SS18L1: variants seen among roughly 807,000 people sequenced by gnomAD.
SS18L1 encodes calcium-responsive transactivator.
A neutral mutation model predicts 70.3 loss-of-function variants in SS18L1; 32 were observed. The ratio of observed to expected loss-of-function variants is 0.46; its 90% CI spans 0.34 to 0.61. The LOEUF (loss-of-function observed/expected upper bound fraction) is 0.61. SS18L1 is among the 20% of genes least tolerant of loss of function. The pLI is 0.01. For missense variants in SS18L1, 430 were observed against 542.1 expected, an observed-to-expected ratio of 0.79 and a Z score of 2.05; for synonymous variants, 237 against 229.7, an observed-to-expected ratio of 1.03 and a Z score of -0.29.
intron 1 of SS18L1, among the ~76,000 whole-genome samples, chr20:62,153,704 C>T (rs373807139): frequency 2.5e-4 from 38 of 152,280 alleles, no homozygotes; most frequent in African/African-American, 7.7e-4. Flanking sequence ...TAGTGTATCT[C>T]CTCCTTTGCT....
rs1266398574 is a variant in SS18L1, at chr20:62,180,375, C to G, written c.*1167C>G. The G allele has an allele frequency of 1.1e-5, 2 of 186,174 alleles. No homozygotes were observed. Among genetic ancestry groups the G allele is most frequent in the African/African-American group, 2.4e-5 (1 of 42,550 alleles). 11.5% of individuals were successfully genotyped at this position (186,174 alleles called of 1,614,324 possible). ...GACAGCACACTTGCAAAAGTATGGT[C>G]AAAGGAAAAAAATCCCACATTTCAA... is the stretch of plus-strand genomic sequence containing the variant. On this transcript the variant is annotated 3_prime_UTR_variant, in exon 11 of 11. Transcript: ENST00000331758.
Position 62,174,550 on chromosome 20 carries a change from G to A in SS18L1, c.1070G>A (p.Gly357Asp). Residue 357 changes from glycine (G) to aspartate (D), a missense_variant, in exon 10 of 11, where the codon GGC becomes GAC. By Grantham distance (94) the Gly-to-Asp change is moderately conservative (BLOSUM62 -1). Transcript: ENST00000331758. The surrounding 1 kb of genome is among the most constrained non-coding windows in gnomAD (Gnocchi z 4.1). Reference sequence around the variant, plus strand: ...CAGGGAGCCCCGTCACAGTACCCCGGCTACCAGCAAGGCCAAGGCCAGCAG... The same window carrying A: ...CAGGGAGCCCCGTCACAGTACCCCGACTACCAGCAAGGCCAAGGCCAGCAG... ...SAQGAPSQYP[G>D]YQQGQGQQYG... 1 of 1,614,056 alleles carries A rather than the reference G, an allele frequency of 6.2e-7. No homozygotes were observed. The highest frequency in any genetic ancestry group is 8.5e-7 in the Non-Finnish European group (1 of 1,180,040).
chr20:62,156,224 A>G (rs760346663), intron 1 of SS18L1, among the ~76,000 whole-genome samples: 1 of 152,156 alleles, frequency 6.6e-6, no homozygotes, highest in Non-Finnish European at 1.5e-5. Context: ...CCTGGAGACA[A>G]TCTCTGCCTG....
chr20:62,150,541 G>A (rs999913078), intron 1 of SS18L1, among the ~76,000 whole-genome samples: 2 of 151,694 alleles, frequency 1.3e-5, no homozygotes, highest in Non-Finnish European at 2.9e-5. Flanking sequence ...GGCAGAAGAC[G>A]GGGAACAATT....
chr20:62,167,042 G>GTTTTTTTT (rs1216570693), intron 8 of SS18L1, among the ~76,000 whole-genome samples: 57 of 88,114 alleles, frequency 6.5e-4, no homozygotes, highest in African/African-American at 1.0e-3. Context: ...GAGTTTGTTT[G>GTTTTTTTT]TTTTTTTTTT....
intron 8 of SS18L1, among the ~76,000 whole-genome samples, 187 bp from the exon 9 acceptor site, chr20:62,172,495 C>T (rs1438464130): frequency 6.7e-6 from 1 of 148,392 alleles, no homozygotes; most frequent in Non-Finnish European, 1.5e-5. Context: ...CGTTTCTTAG[C>T]TTTCCATTTG....
intron 10 of SS18L1, among the ~76,000 whole-genome samples, chr20:62,176,851 T>G (rs1320930871): frequency 6.6e-6 from 1 of 152,146 alleles, no homozygotes; most frequent in Non-Finnish European, 1.5e-5. Flanking sequence ...ATTTCACATC[T>G]GGGGGGAAAT....
chr20:62,170,971 G>A lies in SS18L1; in HGVS notation c.917-1711G>A, dbSNP rs540665978. ...GGCTGGAGTGCAGTGATGCGATCTCGGCTCACTGCAACCTCCTCCTCCTGG... is the reference window on the plus strand; with the variant it reads ...GGCTGGAGTGCAGTGATGCGATCTCAGCTCACTGCAACCTCCTCCTCCTGG... On this transcript the variant is annotated intron_variant, in intron 8 of 10. Transcript: ENST00000331758. Among the ~76,000 whole-genome samples the A allele has an allele frequency of 4.6e-5, 7 of 151,438 alleles. No homozygotes were observed. The East Asian group carries it at 1.4e-3, about 29-fold the overall frequency.
At chr20:62,157,995 C>T (rs1398970257) in intron 1 of SS18L1, among the ~76,000 whole-genome samples, 1 of 152,194 alleles carries the variant, frequency 6.6e-6, no homozygotes, top group Non-Finnish European at 1.5e-5. Context: ...GCCCTTACCA[C>T]CTGGGAGTGC....
intron 5 of SS18L1, 123 bp from the exon 6 acceptor site, chr20:62,163,335 C>T: frequency 1.4e-6 from 2 of 1,412,198 alleles, no homozygotes; most frequent in Non-Finnish European, 1.9e-6. Flanking sequence ...GTGGAGGACG[C>T]TGTCCTCGTG....
rs546249314 is a variant in SS18L1 at position 62,150,091 on chromosome 20, C to T, written c.69+6202C>T. ...TAGAGTCTTTGAAATTGCACACACA[C>T]GTCAAGCATACAGCGGTGGGGCCGT... On this transcript the variant is annotated intron_variant, in intron 1 of 10. Transcript: ENST00000331758. 3.9e-5 allele frequency among the ~76,000 whole-genome samples: 6 copies of T among 152,338 alleles called. No individual in the cohort carries two copies. In the East Asian group the frequency reaches 5.8e-4, roughly 15 times the overall value.
chr20:62,154,809 T>C (rs998557770), intron 1 of SS18L1, among the ~76,000 whole-genome samples: 16 of 152,164 alleles, frequency 1.1e-4, no homozygotes, highest in African/African-American at 3.4e-4. Flanking sequence ...TGGGGGTGAT[T>C]TCTTCACTGC....
At chr20:62,147,304 T>C (rs1464819272) in intron 1 of SS18L1, among the ~76,000 whole-genome samples, 2 of 152,152 alleles carry the variant, frequency 1.3e-5, no homozygotes, top group African/African-American at 4.8e-5. Flanking sequence ...ACAGAGGACA[T>C]GACTGTGCTG....
chr20:62,163,566 A>AGGGGAGCAGCATGATG lies in SS18L1; in HGVS notation c.669_684dup (p.Gln229GlufsTer81). On this transcript the variant is annotated frameshift_variant, in exon 6 of 11. Transcript: ENST00000331758. LOFTEE classifies it high-confidence loss of function. ...ATCGCCATGATGGGGCAGGGCAGCC[A>AGGGGAGCAGCATGATG]GGGGAGCAGCATGATGGGGCAGCGG... 6.2e-7 allele frequency: 1 copy of AGGGGAGCAGCATGATG among 1,610,236 alleles called. No homozygotes were observed. Among genetic ancestry groups the AGGGGAGCAGCATGATG allele is most frequent in the Non-Finnish European group, 8.5e-7 (1 of 1,179,582 alleles).
In SS18L1 at chr20:62,174,443, A is replaced by G; in HGVS notation, c.1037-74A>G. 1 of 1,543,130 alleles carries G rather than the reference A, an allele frequency of 6.5e-7. No homozygotes were observed. Among genetic ancestry groups the G allele is most frequent in the Non-Finnish European group, 8.7e-7 (1 of 1,148,652 alleles). ...AAGGAGAAGAGGAAGTTTTAAAAAA[A>G]ATTTTTAAGTTAAGAAAAAAAAAGA... On this transcript the variant is annotated intron_variant, in intron 9 of 10. Transcript: ENST00000331758. The surrounding 1 kb of genome is among the most constrained non-coding windows in gnomAD (Gnocchi z 4.1).
chr20:62,161,351 G>C lies in SS18L1; in HGVS notation c.232-85G>C. On this transcript the variant is annotated intron_variant, in intron 3 of 10. Transcript: ENST00000331758. This position sits in a 1 kb window ranked among gnomAD's most constrained non-coding sequence, Gnocchi z 4.4. ...CATGATGTGTGGCGGCAAATCTCGG[G>C]TGCCCTCTCATCCCTGGCCTGGCTT... 1 of 1,597,618 alleles carries C rather than the reference G, an allele frequency of 6.3e-7. No homozygotes were observed. The highest frequency in any genetic ancestry group is 8.6e-7 in the Non-Finnish European group (1 of 1,167,592).
rs999506794 is a variant in SS18L1, at chr20:62,179,422, T to G, written c.*214T>G. 7 of 594,940 alleles carry G rather than the reference T, an allele frequency of 1.2e-5. No homozygotes were observed. Among genetic ancestry groups the G allele is most frequent in the African/African-American group, 1.1e-4 (6 of 53,732 alleles). 36.9% of individuals were successfully genotyped at this position (594,940 alleles called of 1,614,324 possible). A position where few individuals can be genotyped will look rare whatever the true frequency, so the allele number is the denominator to read the frequency against. On this transcript the variant is annotated 3_prime_UTR_variant, in exon 11 of 11. Coordinates refer to ENST00000331758, the MANE Select transcript of SS18L1 (RefSeq NM_198935.3). ...TGGTGGTGTGATACTTTTGGTGCTG[T>G]GTATAGTATTGTATGTCGGTACACG...
chr20:62,145,137 C>T (rs1210445898), intron 1 of SS18L1, among the ~76,000 whole-genome samples: 4 of 152,238 alleles, frequency 2.6e-5, no homozygotes, highest in Admixed American at 6.5e-5. Flanking sequence ...ACAAGTGTGG[C>T]ATTTTAATTT....
chr20:62,155,073 G>T (rs998456337), intron 1 of SS18L1, among the ~76,000 whole-genome samples: 2 of 152,200 alleles, frequency 1.3e-5, no homozygotes, highest in Non-Finnish European at 2.9e-5. Flanking sequence ...GGCTGACTTT[G>T]TGAGGATATT....
Sources: allele counts gnomAD v4.1 joint callset (sites outside exome capture counted in the v4.1 genomes callset), GRCh38; gene constraint gnomAD v4.1.1; non-coding constraint Gnocchi (gnomAD v3.1); transcripts MANE v1.5; gene names NCBI Gene and HGNC (gene_info 2026-07-23, HGNC 2026-07-21).